ZNF84: variants seen among roughly 807,000 people sequenced by gnomAD.
The protein encoded by ZNF84 is zinc finger protein 84.
Under a neutral mutation model 14.8 loss-of-function variants are expected in ZNF84, and 12 were observed. That is an observed-to-expected ratio of 0.81 (90% confidence interval 0.52 to 1.31). The LOEUF (loss-of-function observed/expected upper bound fraction) is 1.31, where lower values mean the gene tolerates loss of function less well. Among genes scored for constraint, ZNF84 ranks in the 50% most tolerant of loss-of-function variants. ZNF84 has a pLI of 0.00. For synonymous variants in ZNF84, 347 were observed against 291.1 expected (o/e 1.19, Z -1.96); for missense variants, 859 against 878.6 (o/e 0.98, Z 0.28).
chr12:133,043,545 A>C (rs1953922971), intron 2 of ZNF84, among the ~76,000 whole-genome samples: 1 of 152,078 alleles, frequency 6.6e-6, no homozygotes, highest in South Asian at 2.1e-4. Flanking sequence ...TACTTTGATC[A>C]TTTCTTCTTG....
rs1434781921 is a variant in ZNF84, at chr12:133,058,788, C to T, written c.2073C>T (p.Ala691=). ...ATGGATGCAGTGAATGTAGGAAGGC[C>T]TTCTCTCAGAAGTCACAGCTGGTTA... is the stretch of plus-strand genomic sequence containing the variant. ...KPYGCSECRK[A]FSQKSQLVNH... is the part of the protein sequence containing the mutation. Residue 691 remains alanine (A), a synonymous_variant, in exon 5 of 5, where the codon GCC becomes GCT. Transcript: ENST00000539354. The T allele has an allele frequency of 3.7e-5, 60 of 1,613,874 alleles. No homozygotes were observed. Among genetic ancestry groups the T allele is most frequent in the Non-Finnish European group, 5.0e-5 (59 of 1,179,990 alleles).
Position 133,057,867 on chromosome 12 carries a change from C to T in ZNF84, c.1152C>T (p.Phe384=). ...PFGCSDCRKA[F]FEKSELIRHQ... ...GATGTAGTGATTGTAGAAAAGCATT[C>T]TTTGAGAAGTCAGAGCTTATTAGAC... Residue 384 remains phenylalanine, a synonymous_variant, in exon 5 of 5, where the codon TTC becomes TTT. Coordinates refer to ENST00000539354, the MANE Select transcript of ZNF84 (RefSeq NM_001289971.2). The T allele has an allele frequency of 6.2e-7, 1 of 1,613,534 alleles. No individual in the cohort carries two copies. The highest frequency in any genetic ancestry group is 8.5e-7 in the Non-Finnish European group (1 of 1,179,610).
At chr12:133,049,341 A>G (rs945589971) in intron 4 of ZNF84, among the ~76,000 whole-genome samples, 4 of 151,782 alleles carry the variant, frequency 2.6e-5, no homozygotes, top group Admixed American at 6.6e-5. Context: ...AAACGCCCCA[A>G]TCTGTTCAGT....
Position 133,059,275 on chromosome 12 carries a change from G to A in ZNF84, c.*343G>A. 2.7e-6 allele frequency: 1 copy of A among 375,644 alleles called. No homozygotes were observed. Among genetic ancestry groups the A allele is most frequent in the Non-Finnish European group, 4.7e-6 (1 of 211,156 alleles). 23.3% of individuals were successfully genotyped at this position (375,644 alleles called of 1,614,324 possible). A position where few individuals can be genotyped will look rare whatever the true frequency, so the allele number is the denominator to read the frequency against. The stretch of plus-strand genomic sequence containing the variant: ...GATGAGGGAAAACCCCATGAATGCG[G>A]GAAATGAGGCAATATTTTTAAGAAA... On this transcript the variant is annotated 3_prime_UTR_variant, in exon 5 of 5. Transcript: ENST00000539354.
rs1954209096 is a variant in ZNF84, at chr12:133,058,873, T to TTC, written c.2161_2162dup (p.Gln722HisfsTer15). 1 of 1,613,232 alleles carries TTC rather than the reference T, an allele frequency of 6.2e-7. No homozygotes were observed. The highest frequency in any genetic ancestry group is 1.3e-5 in the African/African-American group (1 of 74,920). Reference sequence around the variant, plus strand: ...TCGATGCATTGAATGTGGGAAAGCTTTCTCACAGAAGTCACAGCTCATCAA... The same window carrying TTC: ...TCGATGCATTGAATGTGGGAAAGCTTTCTCTCACAGAAGTCACAGCTCATCAA... On this transcript the variant is annotated frameshift_variant, in exon 5 of 5. Transcript: ENST00000539354. LOFTEE classifies it high-confidence loss of function.
In ZNF84 at chr12:133,058,844, C is replaced by T. The variant is rs1954208479; in HGVS notation, c.2129C>T (p.Pro710Leu). The T allele has an allele frequency of 2.5e-6, 4 of 1,613,932 alleles. No individual in the cohort carries two copies. The highest frequency in any genetic ancestry group is 3.3e-5 in the Admixed American group (2 of 59,996). ...NHQRIHTGEK[P>L]YRCIECGKAF... ...CAGAGAATTCATACAGGAGAGAAGC[C>T]TTATCGATGCATTGAATGTGGGAAA... Residue 710 changes from proline to leucine, a missense_variant, in exon 5 of 5, where the codon CCT becomes CTT. Pro to Leu is a moderately conservative substitution (Grantham distance 98). Transcript: ENST00000539354.
In ZNF84 at chr12:133,059,906, C is replaced by T. The variant is rs1954229165; in HGVS notation, c.*974C>T. The T allele has an allele frequency of 6.6e-6, 1 of 152,110 alleles. No individual in the cohort carries two copies. Among genetic ancestry groups the T allele is most frequent in the South Asian group, 2.1e-4 (1 of 4,824 alleles). The allele number at this position is 152,110 out of a possible 1,614,324, so 9.4% of individuals were successfully genotyped here. A position where few individuals can be genotyped will look rare whatever the true frequency, so the allele number is the denominator to read the frequency against. ...GGACCTTTCTATTCAGTAACTGAAG[C>T]CAACATTGTGTAAGTCTTCTGCATC... On this transcript the variant is annotated 3_prime_UTR_variant, in exon 5 of 5. Coordinates refer to ENST00000539354, the MANE Select transcript of ZNF84 (RefSeq NM_001289971.2).
chr12:133,046,221 C>T (rs1304248765), intron 2 of ZNF84, among the ~76,000 whole-genome samples: 2 of 152,004 alleles, frequency 1.3e-5, no homozygotes, highest in Non-Finnish European at 2.9e-5. Context: ...AACTTGGCAA[C>T]AAGAAAGTGT....
chr12:133,041,241 A>T, intron 1 of ZNF84, 37 bp from the exon 2 acceptor site: 2 of 509,534 alleles, frequency 3.9e-6, no homozygotes, highest in East Asian at 3.1e-5. Flanking sequence ...TTCATGTGCA[A>T]TGTGAATATA....
chr12:133,041,490 G>A lies in ZNF84; in HGVS notation c.15+8G>A. The A allele has an allele frequency of 6.2e-7, 1 of 1,614,036 alleles. No individual in the cohort carries two copies. Among genetic ancestry groups the A allele is most frequent in the Admixed American group, 1.7e-5 (1 of 60,014 alleles). ...AAAATGACCATGTTACAGGTGAGTTGATTGTTGAGTTCTTATTTTTTCCCA... is the reference window on the plus strand; with the variant it reads ...AAAATGACCATGTTACAGGTGAGTTAATTGTTGAGTTCTTATTTTTTCCCA... On this transcript the variant is annotated splice_region_variant and intron_variant, in intron 2 of 4. Coordinates refer to ENST00000539354, the MANE Select transcript of ZNF84 (RefSeq NM_001289971.2).
chr12:133,043,809 A>G (rs925497650), intron 2 of ZNF84, among the ~76,000 whole-genome samples: 1 of 152,106 alleles, frequency 6.6e-6, no homozygotes, highest in African/African-American at 2.4e-5. Context: ...GCTGGAGTGC[A>G]GTGGCACAGT....
At chr12:133,042,696 C>T (rs1210111295) in intron 2 of ZNF84, among the ~76,000 whole-genome samples, 3 of 152,154 alleles carry the variant, frequency 2.0e-5, no homozygotes, top group Non-Finnish European at 4.4e-5. Context: ...TTTTTCATAG[C>T]GTTCTTCAGA....
chr12:133,053,939 C>T (rs928457089), intron 4 of ZNF84, among the ~76,000 whole-genome samples: 1 of 152,086 alleles, frequency 6.6e-6, no homozygotes, highest in Non-Finnish European at 1.5e-5. Flanking sequence ...CTACCTCCAC[C>T]ATATAATCCT....
At chr12:133,047,685 G>C in intron 2 of ZNF84, 1 of 277,484 alleles carries the variant, frequency 3.6e-6, no homozygotes, top group Non-Finnish European at 7.2e-6. Context: ...GTTTACTATG[G>C]CACCTGTCTT....
intron 4 of ZNF84, among the ~76,000 whole-genome samples, chr12:133,054,801 C>G (rs1447678550): frequency 6.6e-6 from 1 of 152,000 alleles, no homozygotes; most frequent in East Asian, 1.9e-4. Flanking sequence ...TCACTTTAAA[C>G]TCTTAGGTAT....
At chr12:133,041,582 G>C (rs1349286225) in intron 2 of ZNF84, 100 bp downstream of exon 2, 8 of 1,239,608 alleles carry the variant, frequency 6.5e-6, no homozygotes, top group African/African-American at 1.5e-5. Context: ...AGAAATCAGA[G>C]GAAAATAGCC....
Position 133,058,265 on chromosome 12 carries a change from G to A in ZNF84, c.1550G>A (p.Cys517Tyr). 1.2e-6 allele frequency: 2 copies of A among 1,614,132 alleles called. No homozygotes were observed. Among genetic ancestry groups the A allele is most frequent in the Non-Finnish European group, 1.7e-6 (2 of 1,180,020 alleles). The change falls in exon 5 of 5, where the codon TGC becomes TAC. Residue 517 changes from cysteine (C) to tyrosine (Y), a missense_variant. Transcript: ENST00000539354. ...RIHTGEKPYV[C>Y]SECGKAFCQK... ...CATACAGGAGAAAAACCATATGTATGCAGTGAATGTGGGAAAGCCTTTTGT... is the reference window on the plus strand; with the variant it reads ...CATACAGGAGAAAAACCATATGTATACAGTGAATGTGGGAAAGCCTTTTGT...
At chr12:133,054,719 C>T (rs1954124166) in intron 4 of ZNF84, among the ~76,000 whole-genome samples, 1 of 150,144 alleles carries the variant, frequency 6.7e-6, no homozygotes, top group Non-Finnish European at 1.5e-5. Context: ...ATATGTACAA[C>T]TATTATTTTT....
chr12:133,042,761 T>C (rs1953908384), intron 2 of ZNF84, among the ~76,000 whole-genome samples: 1 of 152,152 alleles, frequency 6.6e-6, no homozygotes, highest in South Asian at 2.1e-4. Flanking sequence ...AATTATTTAC[T>C]TTTTACCTTT....
Sources: allele counts gnomAD v4.1 joint callset (sites outside exome capture counted in the v4.1 genomes callset), GRCh38; gene constraint gnomAD v4.1.1; transcripts MANE v1.5; gene names NCBI Gene and HGNC (gene_info 2026-07-23, HGNC 2026-07-21).